The following AMZ2 variants were observed in gnomAD, a reference collection of about 807,000 sequenced individuals.
AMZ2 encodes archaelysin family metallopeptidase 2.
In AMZ2, 26 loss-of-function variants were observed where a neutral mutation model predicts 36.7. That is an observed-to-expected ratio of 0.71 (90% CI 0.52 to 0.98). The LOEUF is 0.98. AMZ2 is among the 50% of genes least tolerant of loss of function. AMZ2 has a pLI of 0.00. For synonymous variants in AMZ2, 144 were observed against 149.1 expected (o/e 0.97, Z 0.25); for missense variants, 394 against 430.5 (o/e 0.92, Z 0.75).
At chr17:68,244,107 A>C (rs1301368168), upstream of AMZ2, among the ~76,000 whole-genome samples, 2 of 152,246 alleles carry the variant, frequency 1.3e-5, no homozygotes, top group African/African-American at 4.8e-5. Context: ...CTACTGGCAA[A>C]GGACATCATA....
At chr17:68,241,282 T>A (rs1456425972) in intron 1 of AMZ2, among the ~76,000 whole-genome samples, 1 of 152,196 alleles carries the variant, frequency 6.6e-6, no homozygotes, top group Non-Finnish European at 1.5e-5. Flanking sequence ...GATGATTAAC[T>A]CTAGGCAAAA....
intron 1 of AMZ2, among the ~76,000 whole-genome samples, chr17:68,210,237 A>G (rs1555725593): frequency 1.1e-4 from 17 of 152,246 alleles, no homozygotes; most frequent in Non-Finnish European, 1.8e-4. Context: ...ACGTATACAC[A>G]TATGTATACA....
chr17:68,227,113 A>G (rs9897227), intron 1 of AMZ2, among the ~76,000 whole-genome samples: 53,676 of 151,432 alleles, frequency 0.35, 10,621 homozygotes, highest in African/African-American at 0.54. Context: ...TTAGGAATCT[A>G]TGTTCATAGC....
chr17:68,246,195 CA>C (rs57477453), upstream of AMZ2, among the ~76,000 whole-genome samples: 26,323 of 83,774 alleles, frequency 0.31, 2,802 homozygotes, highest in Non-Finnish European at 0.32. Context: ...ACTAAAAATA[CA>C]AAAAAAAAAA....
Position 68,250,280 on chromosome 17 carries a change from TG to T in AMZ2, c.97del (p.Glu33AsnfsTer4), listed in dbSNP as rs1555738505. On this transcript the variant is annotated frameshift_variant, in exon 2 of 7. Transcript: ENST00000359904. LOFTEE classifies it high-confidence loss of function. Reference sequence around the variant, plus strand: ...TATCACAGTATGAGAAATTAAATGCTGGGGAACAACGTTTAATGAATGAAGC... The same window carrying T: ...TATCACAGTATGAGAAATTAAATGCTGGGAACAACGTTTAATGAATGAAGC... ...LVSQYEKLNA[G>X]EQRLMNEAFQ... The T allele has an allele frequency of 6.2e-7, 1 of 1,614,186 alleles. No homozygotes were observed. The highest frequency in any genetic ancestry group is 1.7e-5 in the Admixed American group (1 of 60,004).
At chr17:68,207,934 G>C (rs1261237502) in intron 1 of AMZ2, among the ~76,000 whole-genome samples, 2 of 151,974 alleles carry the variant, frequency 1.3e-5, no homozygotes, top group African/African-American at 4.8e-5. Flanking sequence ...TGTGGGCTCG[G>C]TGGGCACGCA....
intron 1 of AMZ2, among the ~76,000 whole-genome samples, chr17:68,226,129 G>A (rs2073510209): frequency 6.6e-6 from 1 of 152,116 alleles, no homozygotes; most frequent in Non-Finnish European, 1.5e-5. Flanking sequence ...CTGGCCCGAA[G>A]TGGATTTGCT....
chr17:68,222,818 T>G (rs1315078898), intron 1 of AMZ2, among the ~76,000 whole-genome samples: 1 of 152,198 alleles, frequency 6.6e-6, no homozygotes, highest in African/African-American at 2.4e-5. Flanking sequence ...CAGAGGAAGC[T>G]TTCCTCATTC....
intron 1 of AMZ2, among the ~76,000 whole-genome samples, chr17:68,226,086 C>T (rs1486342980): frequency 1.3e-5 from 2 of 152,034 alleles, no homozygotes; most frequent in Non-Finnish European, 2.9e-5. Context: ...CTGCCGGACC[C>T]GTAAGGAGGA....
intron 1 of AMZ2, among the ~76,000 whole-genome samples, chr17:68,240,422 T>G (rs2073877949): frequency 6.6e-6 from 1 of 152,084 alleles, no homozygotes; most frequent in East Asian, 1.9e-4. Flanking sequence ...AAAGTAAGTA[T>G]TCAAAAGAAA....
At chr17:68,220,146 A>G (rs1263208759) in intron 1 of AMZ2, among the ~76,000 whole-genome samples, 1 of 152,248 alleles carries the variant, frequency 6.6e-6, no homozygotes, top group Non-Finnish European at 1.5e-5. Flanking sequence ...AAAAGTAAAT[A>G]TGGCAAAATG....
intron 1 of AMZ2, among the ~76,000 whole-genome samples, chr17:68,228,127 C>G (rs2144583453): frequency 6.6e-6 from 1 of 152,242 alleles, no homozygotes; most frequent in Admixed American, 6.5e-5. Flanking sequence ...ATCATCTTTC[C>G]TGCCCGAGCT....
Position 68,256,914 on chromosome 17 carries a change from C to G in AMZ2, c.1028C>G (p.Ala343Gly). The G allele has an allele frequency of 6.2e-7, 1 of 1,614,056 alleles. No individual in the cohort carries two copies. Among genetic ancestry groups the G allele is most frequent in the Non-Finnish European group, 8.5e-7 (1 of 1,179,998 alleles). ...DNGNLPKPVE[A>G]FKEWKEWIIK... ...GGGAATTTACCGAAACCCGTGGAAG[C>G]CTTTAAGGAATGGAAAGAGTGGATA... is the stretch of plus-strand genomic sequence containing the variant. Residue 343 changes from alanine to glycine, a missense_variant, in exon 7 of 7, where the codon GCC (alanine) becomes GGC (glycine). Coordinates refer to ENST00000359904, the MANE Select transcript of AMZ2 (RefSeq NM_016627.5).
intron 1 of AMZ2, among the ~76,000 whole-genome samples, chr17:68,230,451 T>C (rs2073631857): frequency 1.3e-5 from 2 of 152,204 alleles, no homozygotes; most frequent in South Asian, 4.1e-4. Flanking sequence ...CACAGTGTCA[T>C]CTCTGTCACC....
At chr17:68,213,723 T>C (rs1288179265) in intron 1 of AMZ2, among the ~76,000 whole-genome samples, 4 of 152,182 alleles carry the variant, frequency 2.6e-5, no homozygotes, top group Non-Finnish European at 5.9e-5. Flanking sequence ...TTCCCTCTTG[T>C]ATTTATCTTG....
chr17:68,214,315 G>A (rs34694080), intron 1 of AMZ2, among the ~76,000 whole-genome samples: 35,148 of 152,000 alleles, frequency 0.23, 4,340 homozygotes, highest in South Asian at 0.28. Flanking sequence ...CTAGAGGAGC[G>A]ATGGCATGGA....
chr17:68,255,998 C>T (rs1289594024), intron 6 of AMZ2, 122 bp downstream of exon 6: 2 of 1,089,448 alleles, frequency 1.8e-6, no homozygotes, highest in Non-Finnish European at 2.5e-6. Context: ...TAAAGATAAG[C>T]AGGAAGCTGC....
At chr17:68,233,846 T>C (rs1555731928) in intron 1 of AMZ2, among the ~76,000 whole-genome samples, 1 of 151,762 alleles carries the variant, frequency 6.6e-6, no homozygotes, top group African/African-American at 2.4e-5. Context: ...CTCAGCCTCC[T>C]GAGTAGCTAG....
chr17:68,209,221 T>C (rs1555725137), intron 1 of AMZ2, among the ~76,000 whole-genome samples: 1 of 150,212 alleles, frequency 6.7e-6, no homozygotes, highest in East Asian at 1.9e-4. Flanking sequence ...TTTGATGGAG[T>C]CTTGCTCTGT....
Sources: gnomAD v4.1 joint callset for allele counts (sites outside exome capture counted in the v4.1 genomes callset) on GRCh38, gnomAD v4.1.1 for gene constraint, MANE v1.5 for transcripts, NCBI Gene and HGNC (gene_info 2026-07-23, HGNC 2026-07-21) for gene names.